PRKAR1B: variants seen among roughly 807,000 people sequenced by gnomAD.
PRKAR1B encodes protein kinase cAMP-dependent type I regulatory subunit beta, also known as cAMP-dependent protein kinase type I-beta regulatory subunit.
Under a neutral mutation model 46.5 loss-of-function variants are expected in PRKAR1B, and 22 were observed. The observed-to-expected ratio is 0.47, with a 90% CI of 0.34 to 0.68. The LOEUF is 0.68. Ranked by LOEUF, PRKAR1B falls within the 30% of genes least tolerant of loss-of-function variation. The probability of loss-of-function intolerance (pLI) is 0.01; values close to 1 mark genes in which losing one functional copy is unlikely to be tolerated. For synonymous variants in PRKAR1B, 259 were observed against 217.7 expected, an observed-to-expected ratio of 1.19 and a Z score of -1.67; for missense variants, 445 against 535.6, an observed-to-expected ratio of 0.83 and a Z score of 1.67.
At chr7:630,508 G>A (rs1436219774) in intron 4 of PRKAR1B, among the ~76,000 whole-genome samples, 3 of 152,148 alleles carry the variant, frequency 2.0e-5, no homozygotes, top group East Asian at 1.9e-4. Context: ...GGGGTCCCAC[G>A]GCTCCCTGTA....
At chr7:569,250 C>G (rs1779357594) in intron 9 of PRKAR1B, among the ~76,000 whole-genome samples, 1 of 152,214 alleles carries the variant, frequency 6.6e-6, no homozygotes, top group Non-Finnish European at 1.5e-5. Flanking sequence ...TGAGCGTGAG[C>G]TGACCAAGGC....
intron 4 of PRKAR1B, among the ~76,000 whole-genome samples, chr7:623,526 C>G (rs1276774787): frequency 6.6e-6 from 1 of 152,242 alleles, no homozygotes; most frequent in African/African-American, 2.4e-5. Context: ...GCTCCTCACA[C>G]CCACCACCCC....
chr7:691,035 A>T (rs1779387839), intron 2 of PRKAR1B, among the ~76,000 whole-genome samples: 2 of 149,662 alleles, frequency 1.3e-5, no homozygotes, highest in African/African-American at 5.0e-5. Flanking sequence ...GTCCGCTGCA[A>T]ATCCTACCCA....
At chr7:588,648 ATGG>A (rs1284538948) in intron 7 of PRKAR1B, among the ~76,000 whole-genome samples, 6 of 141,040 alleles carry the variant, frequency 4.3e-5, no homozygotes, top group East Asian at 2.0e-4. Context: ...GATGGTGGTG[ATGG>A]TGGTGAGGAT....
intron 4 of PRKAR1B, among the ~76,000 whole-genome samples, chr7:633,342 C>T (rs137954700): frequency 6.6e-6 from 1 of 152,180 alleles, no homozygotes; most frequent in East Asian, 1.9e-4. Context: ...TAGTCACCCA[C>T]AGGTGAAAGG....
intron 2 of PRKAR1B, among the ~76,000 whole-genome samples, chr7:704,124 T>G (rs1253935568): frequency 6.6e-6 from 1 of 152,064 alleles, no homozygotes; most frequent in Non-Finnish European, 1.5e-5. Context: ...AAAGCCTTAA[T>G]CATCTAAAAT....
intron 9 of PRKAR1B, among the ~76,000 whole-genome samples, chr7:553,868 C>T (rs527240093): frequency 1.2e-4 from 18 of 152,386 alleles, no homozygotes; most frequent in African/African-American, 4.1e-4. Flanking sequence ...CACTCGGCTC[C>T]CAGGCCTCTG....
intron 4 of PRKAR1B, among the ~76,000 whole-genome samples, chr7:611,196 G>C (rs563973878): frequency 5.0e-4 from 76 of 152,222 alleles, no homozygotes; most frequent in Non-Finnish European, 1.0e-3. Flanking sequence ...GCTCCTCCAC[G>C]GTCTGGCTTC....
chr7:706,422 A>ATTTTTTTTTTTTT (rs33963335), intron 2 of PRKAR1B, among the ~76,000 whole-genome samples: 22,086 of 100,650 alleles, frequency 0.22, 4,302 homozygotes, highest in Non-Finnish European at 0.26. Flanking sequence ...CAAATAAGGA[A>ATTTTTTTTTTTTT]TTTTTTTTTT....
intron 4 of PRKAR1B, among the ~76,000 whole-genome samples, chr7:672,072 G>C (rs932330937): frequency 1.3e-5 from 2 of 152,152 alleles, no homozygotes; most frequent in African/African-American, 4.8e-5. Context: ...TACCCCCACT[G>C]TGTTCCCAGA....
At chr7:630,948 G>T (rs374818931) in intron 4 of PRKAR1B, among the ~76,000 whole-genome samples, 7 of 148,266 alleles carry the variant, frequency 4.7e-5, no homozygotes, top group Non-Finnish European at 9.0e-5. Context: ...CAGCTGATTC[G>T]GATTTTTTTT....
At chr7:629,800 C>T (rs1000567481) in intron 4 of PRKAR1B, among the ~76,000 whole-genome samples, 4 of 99,224 alleles carry the variant, frequency 4.0e-5, no homozygotes, top group Admixed American at 9.8e-5. Flanking sequence ...GGCGTCACCA[C>T]CCCAGGGCTG....
intron 9 of PRKAR1B, among the ~76,000 whole-genome samples, chr7:564,221 C>G (rs1263578869): frequency 6.6e-6 from 1 of 152,166 alleles, no homozygotes; most frequent in Non-Finnish European, 1.5e-5. Context: ...CCTGTGGGAA[C>G]CTGAGACTTG....
intron 8 of PRKAR1B, among the ~76,000 whole-genome samples, chr7:583,177 G>A (rs563830454): frequency 2.6e-5 from 4 of 151,972 alleles, no homozygotes; most frequent in South Asian, 4.2e-4. Context: ...CCTGAAATGC[G>A]CTTCCGGGAA....
intron 9 of PRKAR1B, among the ~76,000 whole-genome samples, chr7:575,544 T>G (rs1046238333): frequency 4.6e-5 from 7 of 152,064 alleles, no homozygotes; most frequent in African/African-American, 1.7e-4. Context: ...TTTTTTGTTT[T>G]TGGTTTTGGT....
At chr7:641,154 G>A (rs1269944925) in intron 4 of PRKAR1B, among the ~76,000 whole-genome samples, 1 of 151,920 alleles carries the variant, frequency 6.6e-6, no homozygotes, top group Non-Finnish European at 1.5e-5. Flanking sequence ...GCGTTTCACC[G>A]TGTTGGCCAG....
intron 10 of PRKAR1B, 46 bp from the exon 11 acceptor site, chr7:550,648 G>GGCT (rs1784125080): frequency 1.4e-6 from 2 of 1,453,050 alleles, no homozygotes; most frequent in African/African-American, 3.0e-5. Context: ...GGGGTCCTGA[G>GGCT]GCTGCAGCAG....
intron 8 of PRKAR1B, among the ~76,000 whole-genome samples, chr7:580,141 G>T (rs904113736): frequency 6.6e-6 from 1 of 151,550 alleles, no homozygotes; most frequent in Non-Finnish European, 1.5e-5. Context: ...TGAGGCAAAA[G>T]GATCACTTGA....
chr7:562,489 G>A (rs1269256987), intron 9 of PRKAR1B, among the ~76,000 whole-genome samples: 1 of 152,132 alleles, frequency 6.6e-6, no homozygotes, highest in Non-Finnish European at 1.5e-5. Context: ...CCCAACCAGG[G>A]GTCACCAGCA....
Sources: allele counts gnomAD v4.1 joint callset (sites outside exome capture counted in the v4.1 genomes callset), GRCh38; gene constraint gnomAD v4.1.1; transcripts MANE v1.5; gene names NCBI Gene and HGNC (gene_info 2026-07-23, HGNC 2026-07-21).